UGT1A8: variants seen among roughly 807,000 people sequenced by gnomAD.
The protein encoded by UGT1A8 is UDP-glucuronosyltransferase 1A8.
A neutral mutation model predicts 45.3 loss-of-function variants in UGT1A8; 39 were observed. The ratio of observed to expected loss-of-function variants is 0.86; its 90% CI spans 0.67 to 1.12. The LOEUF (loss-of-function observed/expected upper bound fraction) is 1.12. Among genes scored for constraint, UGT1A8 ranks in the 50% most tolerant of loss-of-function variants. UGT1A8 has a pLI of 0.00. For synonymous variants in UGT1A8, 275 were observed against 249.2 expected (o/e 1.10, Z -0.97); for missense variants, 719 against 664.9 (o/e 1.08, Z -0.90).
At chr2:233,756,273 T>C (rs976483084) in intron 1 of UGT1A8, 1 of 152,230 alleles carries the variant, frequency 6.6e-6, no homozygotes. Context: ...TCAAGCTCCT[T>C]TTATAAAATG....
chr2:233,731,298 T>A (rs909820502), intron 1 of UGT1A8, among the ~76,000 whole-genome samples: 4 of 149,198 alleles, frequency 2.7e-5, no homozygotes, highest in Non-Finnish European at 4.5e-5. Flanking sequence ...TTTTTTTTTT[T>A]ATTATACTTT....
At chr2:233,657,364 A>G (rs904459167) in intron 1 of UGT1A8, among the ~76,000 whole-genome samples, 44 of 152,176 alleles carry the variant, frequency 2.9e-4, no homozygotes, top group African/African-American at 1.0e-3. Context: ...TGGTACCAAC[A>G]TCTGTTTCTG....
intron 1 of UGT1A8, among the ~76,000 whole-genome samples, chr2:233,669,120 G>A (rs1559332415): frequency 6.6e-6 from 1 of 152,186 alleles, no homozygotes; most frequent in Non-Finnish European, 1.5e-5. Flanking sequence ...AGAATTGCCT[G>A]TGCACCTTTG....
At chr2:233,653,942 T>A (rs1221702781) in intron 1 of UGT1A8, among the ~76,000 whole-genome samples, 1 of 152,244 alleles carries the variant, frequency 6.6e-6, no homozygotes, top group Non-Finnish European at 1.5e-5. Flanking sequence ...AAGGGACATC[T>A]CTTCATTATT....
At chr2:233,752,571 C>A (rs1486074220) in intron 1 of UGT1A8, 2 of 152,178 alleles carry the variant, frequency 1.3e-5, no homozygotes, top group African/African-American at 2.4e-5. Flanking sequence ...AGTGGGTCAA[C>A]ATCATTCCCA....
intron 1 of UGT1A8, among the ~76,000 whole-genome samples, chr2:233,757,818 T>C (rs527929450): frequency 1.3e-5 from 2 of 151,564 alleles, no homozygotes; most frequent in East Asian, 3.9e-4. Flanking sequence ...GAGCTGGTAG[T>C]GTGTCTGATG....
intron 1 of UGT1A8, chr2:233,729,425 A>G (rs1461557828): frequency 6.2e-7 from 1 of 1,613,834 alleles, no homozygotes. Flanking sequence ...ACTCAACTGT[A>G]CTTTGAAACA....
At chr2:233,713,345 CA>C in intron 1 of UGT1A8, 1 of 1,614,188 alleles carries the variant, frequency 6.2e-7, no homozygotes, top group Admixed American at 1.7e-5. Flanking sequence ...CAATTATGAA[CA>C]ATATGTCTTT....
chr2:233,691,351 T>C (rs2075039677), intron 1 of UGT1A8: 2 of 985,564 alleles, frequency 2.0e-6, no homozygotes, highest in African/African-American at 1.7e-5. Context: ...TCGCATGCCT[T>C]GAACAATGAA....
At chr2:233,713,653 C>T in intron 1 of UGT1A8, 2 of 1,613,962 alleles carry the variant, frequency 1.2e-6, no homozygotes, top group Non-Finnish European at 1.7e-6. Context: ...CTGGCCCTGT[C>T]CTACCTTTGC....
At chr2:233,746,742 CAAAGCAGAGATT>C (rs1462654911) in intron 1 of UGT1A8, among the ~76,000 whole-genome samples, 1 of 151,752 alleles carries the variant, frequency 6.6e-6, no homozygotes, top group East Asian at 1.9e-4. Context: ...GCTTTGGTTC[CAAAGCAGAGATT>C]AATTGGATTG....
intron 1 of UGT1A8, among the ~76,000 whole-genome samples, chr2:233,678,018 C>T (rs1047311283): frequency 1.3e-5 from 2 of 152,054 alleles, no homozygotes; most frequent in African/African-American, 4.8e-5. Context: ...TCCTTTGTAA[C>T]AACATGGATG....
chr2:233,728,753 T>G (rs1294725460), intron 1 of UGT1A8, among the ~76,000 whole-genome samples: 2 of 152,174 alleles, frequency 1.3e-5, no homozygotes, highest in Non-Finnish European at 2.9e-5. Context: ...CAATGGTGAC[T>G]CCTCAGACCT....
chr2:233,619,247 A>G (rs1433600705), intron 1 of UGT1A8, among the ~76,000 whole-genome samples: 1 of 152,136 alleles, frequency 6.6e-6, no homozygotes, highest in African/African-American at 2.4e-5. Flanking sequence ...AGATTCCTTT[A>G]TACACCAATA....
chr2:233,706,281 G>A (rs539099269), intron 1 of UGT1A8, among the ~76,000 whole-genome samples: 2 of 152,046 alleles, frequency 1.3e-5, no homozygotes, highest in Admixed American at 1.3e-4. Flanking sequence ...CTCAGGGGTG[G>A]GGCCCAGTGC....
In UGT1A8 at chr2:233,743,578, G is replaced by T. The variant is rs1397276736; in HGVS notation, c.856-23456G>T. The T allele has an allele frequency of 3.7e-6, 5 of 1,367,200 alleles. No homozygotes were observed. The Admixed American group carries it at 9.5e-5, about 26-fold the overall frequency. The allele number at this position is 1,367,200 out of a possible 1,614,324, so 84.7% of individuals were successfully genotyped here. On this transcript the variant is annotated intron_variant, in intron 1 of 4. Transcript: ENST00000373450. ...TATTCTCCAGCGGGTTTCCCAAGAGGTCAAAGGAGAATGGGTCCTGGCCGC... is the reference window on the plus strand; with the variant it reads ...TATTCTCCAGCGGGTTTCCCAAGAGTTCAAAGGAGAATGGGTCCTGGCCGC...
At chr2:233,743,311 A>AT (rs1692260590) in intron 1 of UGT1A8, 3 of 650,626 alleles carry the variant, frequency 4.6e-6, no homozygotes, top group Non-Finnish European at 7.4e-6. Flanking sequence ...CTTGGTGGTG[A>AT]TTTTTTTACC....
chr2:233,754,448 T>G (rs1695488368), intron 1 of UGT1A8: 3 of 350,316 alleles, frequency 8.6e-6, no homozygotes, highest in Non-Finnish European at 1.7e-5. Flanking sequence ...TATAAATTCT[T>G]GGGTACAGCT....
At chr2:233,709,129 A>C (rs2076058664) in intron 1 of UGT1A8, among the ~76,000 whole-genome samples, 1 of 152,130 alleles carries the variant, frequency 6.6e-6, no homozygotes, top group South Asian at 2.1e-4. Flanking sequence ...ATGGTGGCCA[A>C]GGGGATGAGA....
Sources: allele counts gnomAD v4.1 joint callset (sites outside exome capture counted in the v4.1 genomes callset), GRCh38; gene constraint gnomAD v4.1.1; transcripts MANE v1.5; gene names NCBI Gene and HGNC (gene_info 2026-07-23, HGNC 2026-07-21).